The following DHX32 variants were observed in gnomAD, a reference collection of about 807,000 sequenced individuals.
The protein encoded by DHX32 is DEAH-box helicase 32 (putative), also known as putative pre-mRNA-splicing factor ATP-dependent RNA helicase DHX32.
Under a neutral mutation model 70.0 loss-of-function variants are expected in DHX32, and 51 were observed. The observed-to-expected ratio is 0.73, with a 90% CI of 0.58 to 0.92. The LOEUF (loss-of-function observed/expected upper bound fraction) is 0.92. Ranked by LOEUF, DHX32 falls within the 40% of genes least tolerant of loss-of-function variation. The pLI is 0.00. For synonymous variants in DHX32, 310 were observed against 315.3 expected (o/e 0.98, Z 0.18); for missense variants, 762 against 891.8 (o/e 0.85, Z 1.85).
At position 125,874,559 on chromosome 10, in the gene DHX32, T is replaced by G. The variant is rs535859087; in HGVS notation, c.282+5984A>C. Among the ~76,000 whole-genome samples, 11 of 152,370 alleles carry G rather than the reference T, an allele frequency of 7.2e-5. No individual in the cohort carries two copies. The East Asian group carries it at 1.9e-3, about 27-fold the overall frequency. Reference sequence around the variant, plus strand: ...TAAAAAAATTTTTTAAACTGCAGTGTGGATTAGCAATTCTGAAACTACAAT... The same window carrying G: ...TAAAAAAATTTTTTAAACTGCAGTGGGGATTAGCAATTCTGAAACTACAAT... On this transcript the variant is annotated intron_variant, in intron 1 of 10. Coordinates refer to ENST00000284690, the MANE Select transcript of DHX32 (RefSeq NM_018180.3).
upstream of DHX32, among the ~76,000 whole-genome samples, chr10:125,885,060 T>C (rs1944334947): frequency 6.6e-6 from 1 of 151,982 alleles, no homozygotes; most frequent in Non-Finnish European, 1.5e-5. Flanking sequence ...CTATGCATCA[T>C]CTCCCACTTG....
At chr10:125,892,549 A>T (rs1333610426) in intron 1 of DHX32, among the ~76,000 whole-genome samples, 1 of 152,276 alleles carries the variant, frequency 6.6e-6, no homozygotes, top group African/African-American at 2.4e-5. Flanking sequence ...CAGCCACAAT[A>T]AACCACGGCT....
rs747199233 is a variant in DHX32 at position 125,852,586 on chromosome 10, G to C, written c.1149C>G (p.Ser383Arg). ...NSLVMQPISQ[S>R]QAEIRKQILG... ...GAATCTGCTTGCGTATCTCTGCCTG[G>C]CTCTGGCTGATGGGCTGCATGACGA... The change falls in exon 5 of 11, where the codon AGC becomes AGG. Residue 383 changes from serine (S) to arginine (R), a missense_variant. Transcript: ENST00000284690. 1 of 1,613,740 alleles carries C rather than the reference G, an allele frequency of 6.2e-7. No individual in the cohort carries two copies.
At chr10:125,878,280 C>G (rs1034694712) in intron 1 of DHX32, among the ~76,000 whole-genome samples, 1 of 152,084 alleles carries the variant, frequency 6.6e-6, no homozygotes, top group African/African-American at 2.4e-5. Flanking sequence ...TAAATTTGTG[C>G]CTATACAAGA....
At position 125,880,865 on chromosome 10, in the gene DHX32, CAA is replaced by C. The variant is rs1564832344; in HGVS notation, c.-43_-42del. 1.3e-6 allele frequency: 2 copies of C among 1,582,588 alleles called. No individual in the cohort carries two copies. The highest frequency in any genetic ancestry group is 8.6e-7 in the Non-Finnish European group (1 of 1,166,886). On this transcript the variant is annotated 5_prime_UTR_variant, in exon 1 of 11. Coordinates refer to ENST00000284690, the MANE Select transcript of DHX32 (RefSeq NM_018180.3). Reference sequence around the variant, plus strand: ...GCTCACGCAGCTGACATTCCACAAGCAAGTTTCTCCTATCAGTAACCCATTGC... The same window carrying C: ...GCTCACGCAGCTGACATTCCACAAGCGTTTCTCCTATCAGTAACCCATTGC...
At chr10:125,853,886 TA>T in intron 4 of DHX32, 74 bp downstream of exon 4, 2 of 1,538,588 alleles carry the variant, frequency 1.3e-6, no homozygotes, top group South Asian at 1.3e-5. Flanking sequence ...TCCTGATCAG[TA>T]AAATGGTAGG....
chr10:125,852,575 ATC>A lies in DHX32; in HGVS notation c.1158_1159del (p.Glu386AspfsTer20). 6.2e-7 allele frequency: 1 copy of A among 1,613,828 alleles called. No homozygotes were observed. Among genetic ancestry groups the A allele is most frequent in the Non-Finnish European group, 8.5e-7 (1 of 1,179,904 alleles). On this transcript the variant is annotated frameshift_variant, in exon 5 of 11. Coordinates refer to ENST00000284690, the MANE Select transcript of DHX32 (RefSeq NM_018180.3). LOFTEE classifies it high-confidence loss of function. ...AGATGAGCCAAGAATCTGCTTGCGT[ATC>A]TCTGCCTGGCTCTGGCTGATGGGCT...
chr10:125,845,545 C>T (rs1273150048), intron 6 of DHX32, among the ~76,000 whole-genome samples: 1 of 152,206 alleles, frequency 6.6e-6, no homozygotes, highest in East Asian at 1.9e-4. Flanking sequence ...CAGGGGGTCT[C>T]CTGGTAACCA....
chr10:125,862,457 T>C lies in DHX32; in HGVS notation c.477-2482A>G, dbSNP rs530922915. On this transcript the variant is annotated intron_variant, in intron 2 of 10. Transcript: ENST00000284690. ...TCAATTTTTTTTTTTTTGCTGAGGC[T>C]AATTAGAGATTTAATTTCTAATGTT... Among the ~76,000 whole-genome samples, 3 of 152,146 alleles carry C rather than the reference T, an allele frequency of 2.0e-5. No homozygotes were observed. The South Asian group carries it at 6.2e-4, about 32-fold the overall frequency.
intron 1 of DHX32, among the ~76,000 whole-genome samples, chr10:125,895,374 G>C (rs1313460529): frequency 1.3e-5 from 2 of 152,198 alleles, no homozygotes; most frequent in African/African-American, 2.4e-5. Context: ...TTAATAGAGG[G>C]GCCATAATCT....
chr10:125,849,312 A>G (rs1336148376), intron 6 of DHX32, among the ~76,000 whole-genome samples: 7 of 152,230 alleles, frequency 4.6e-5, no homozygotes, highest in Non-Finnish European at 1.0e-4. Context: ...CCAGGCCCAC[A>G]AGAGCCTAAA....
chr10:125,838,468 C>G lies in DHX32; in HGVS notation c.1882-81G>C, dbSNP rs1427505492. The stretch of plus-strand genomic sequence containing the variant: ...ACAAAGATGTTTGTTGAAAAAAATA[C>G]CAAAGTATTTTATACGGGATAGTTA... On this transcript the variant is annotated intron_variant, in intron 9 of 10. Transcript: ENST00000284690. The G allele has an allele frequency of 2.3e-6, 3 of 1,303,086 alleles. No individual in the cohort carries two copies. The African/African-American group carries it at 4.5e-5, about 20-fold the overall frequency. 80.7% of individuals were successfully genotyped at this position (1,303,086 alleles called of 1,614,324 possible).
chr10:125,838,534 A>G (rs1276422114), intron 9 of DHX32, 147 bp from the exon 10 acceptor site: 1 of 806,148 alleles, frequency 1.2e-6, no homozygotes, highest in African/African-American at 1.7e-5. Flanking sequence ...TTTCACATGT[A>G]GAAAATAAGC....
chr10:125,853,847 A>G, intron 4 of DHX32, 114 bp downstream of exon 4: 5 of 1,341,732 alleles, frequency 3.7e-6, no homozygotes, highest in Non-Finnish European at 4.0e-6. Context: ...AATTCAACGA[A>G]TCCCCAGGTC....
chr10:125,859,324 G>C (rs938976321), intron 3 of DHX32, among the ~76,000 whole-genome samples: 3 of 152,212 alleles, frequency 2.0e-5, no homozygotes, highest in African/African-American at 7.2e-5. Context: ...AGAGCCAGCT[G>C]TGCCTTTGGG....
rs778851076 is a variant in DHX32, at chr10:125,839,127, A to G, written c.1755T>C (p.Asp585=). Residue 585 remains aspartate, a synonymous_variant, in exon 9 of 11, where the codon GAT becomes GAC. Transcript: ENST00000284690. ...FLNCSALRMA[D]VIRAELLEII... ...TTTCTAAGAGTTCAGCTCGAATAAC[A>G]TCTGCCATTCTGAGTGCTGAACAGT... is the stretch of plus-strand genomic sequence containing the variant. The G allele has an allele frequency of 2.0e-5, 33 of 1,614,238 alleles. No individual in the cohort carries two copies. Among genetic ancestry groups the G allele is most frequent in the Non-Finnish European group, 2.6e-5 (31 of 1,180,026 alleles).
chr10:125,856,794 CAAAA>C (rs780390974), intron 3 of DHX32, among the ~76,000 whole-genome samples: 2 of 150,510 alleles, frequency 1.3e-5, no homozygotes, highest in Non-Finnish European at 3.0e-5. Context: ...AAAAAAAAAA[CAAAA>C]AACAAAAACT....
chr10:125,883,685 T>C (rs576762235), upstream of DHX32, among the ~76,000 whole-genome samples: 8 of 152,368 alleles, frequency 5.3e-5, no homozygotes, highest in South Asian at 1.7e-3. Flanking sequence ...GCTACTAAGT[T>C]GCAGGGTGGT....
Position 125,838,227 on chromosome 10 carries a change from G to A in DHX32, c.2042C>T (p.Thr681Ile). Reference protein sequence around the residue: ...SISENNYIRITSEISPELFMQ... With the variant: ...SISENNYIRIISEISPELFMQ... ...TTACAGTTCAGGAGAGATTTCTGAG[G>A]TAATCCTGATGTAGTTGTTCTCAGA... The change falls in exon 10 of 11, where the codon ACC becomes ATC. Residue 681 changes from threonine to isoleucine, a missense_variant. Thr to Ile is a moderately conservative substitution (Grantham distance 89, BLOSUM62 -1). Around this residue, in one of 3 missense-constraint regions of DHX32, gnomAD observed 366 missense variants for 402.6 expected, o/e 0.91. Coordinates refer to ENST00000284690, the MANE Select transcript of DHX32 (RefSeq NM_018180.3). The A allele has an allele frequency of 1.2e-6, 2 of 1,607,804 alleles. No homozygotes were observed. The highest frequency in any genetic ancestry group is 1.7e-6 in the Non-Finnish European group (2 of 1,178,390).
Sources: gnomAD v4.1 joint callset for allele counts (sites outside exome capture counted in the v4.1 genomes callset) on GRCh38, gnomAD v4.1.1 for gene constraint, gnomAD v4.1.1 regional missense constraint, MANE v1.5 for transcripts, NCBI Gene and HGNC (gene_info 2026-07-23, HGNC 2026-07-21) for gene names.